The following MTUS2 variants were observed in gnomAD, a reference collection of about 807,000 sequenced individuals.
MTUS2 encodes microtubule associated scaffold protein 2.
MTUS2 carries 40 observed loss-of-function variants against 114.1 expected under a neutral mutation model. The observed-to-expected ratio is 0.35, with a 90% CI of 0.27 to 0.46. MTUS2 has a LOEUF of 0.46. Ranked by LOEUF, MTUS2 falls within the 20% of genes least tolerant of loss-of-function variation. The pLI, the probability that MTUS2 is intolerant of heterozygous loss-of-function variation, is 1.00. For missense variants in MTUS2, 1,679 were observed against 1,705.4 expected, an observed-to-expected ratio of 0.98 and a Z score of 0.27; for synonymous variants, 688 against 672.0, an observed-to-expected ratio of 1.02 and a Z score of -0.37.
At chr13:28,877,655 T>A (rs1878028148) in intron 2 of MTUS2, among the ~76,000 whole-genome samples, 1 of 152,248 alleles carries the variant, frequency 6.6e-6, no homozygotes, top group Non-Finnish European at 1.5e-5. Flanking sequence ...ATCCTGTGAC[T>A]AACGTAGTGA....
intron 2 of MTUS2, among the ~76,000 whole-genome samples, chr13:28,884,316 A>G (rs1278811296): frequency 2.0e-5 from 3 of 152,158 alleles, no homozygotes; most frequent in Non-Finnish European, 4.4e-5. Context: ...ATGCACAAAT[A>G]TTGTATGATT....
At chr13:29,476,884 C>T (rs1292129325) in intron 9 of MTUS2, 9 of 152,120 alleles carry the variant, frequency 5.9e-5, no homozygotes, top group Admixed American at 5.2e-4. Context: ...GGGCACTGAC[C>T]GTCTTTTCAT....
At chr13:29,392,780 T>TA in intron 8 of MTUS2, among the ~76,000 whole-genome samples, 1 of 152,186 alleles carries the variant, frequency 6.6e-6, no homozygotes, top group Admixed American at 6.5e-5. Context: ...CCTGGGATAA[T>TA]AAAAAAGTTC....
At chr13:28,883,281 C>T (rs963288432) in intron 2 of MTUS2, among the ~76,000 whole-genome samples, 2 of 152,194 alleles carry the variant, frequency 1.3e-5, no homozygotes, top group African/African-American at 2.4e-5. Flanking sequence ...CTACACAACT[C>T]GGCAATTGCA....
intron 2 of MTUS2, among the ~76,000 whole-genome samples, chr13:28,865,440 G>GA (rs1331545191): frequency 1.3e-5 from 2 of 152,150 alleles, no homozygotes; most frequent in Non-Finnish European, 2.9e-5. Context: ...AAAACACCCA[G>GA]AAAATACGAA....
intron 2 of MTUS2, among the ~76,000 whole-genome samples, chr13:28,927,735 A>T (rs1043982798): frequency 1.3e-5 from 2 of 152,246 alleles, no homozygotes; most frequent in African/African-American, 4.8e-5. Context: ...TCAAAATACC[A>T]GTGACATTCT....
chr13:29,121,340 G>A (rs761723368), intron 5 of MTUS2, among the ~76,000 whole-genome samples: 1 of 152,060 alleles, frequency 6.6e-6, no homozygotes, highest in South Asian at 2.1e-4. Context: ...AACAAACATG[G>A]ATGATGAAGA....
chr13:29,275,465 ATTTATTC>A (rs1370657523), intron 5 of MTUS2, among the ~76,000 whole-genome samples: 1 of 152,062 alleles, frequency 6.6e-6, no homozygotes, highest in Non-Finnish European at 1.5e-5. Context: ...ACTAGGTCTT[ATTTATTC>A]TATTTTTTGT....
At chr13:28,914,098 G>A (rs1428916551) in intron 2 of MTUS2, among the ~76,000 whole-genome samples, 3 of 151,878 alleles carry the variant, frequency 2.0e-5, no homozygotes, top group Non-Finnish European at 4.4e-5. Flanking sequence ...TTGTGTGTGT[G>A]TCTGTATCTC....
intron 1 of MTUS2, among the ~76,000 whole-genome samples, chr13:28,837,662 C>G (rs1257082572): frequency 6.6e-6 from 1 of 152,216 alleles, no homozygotes; most frequent in African/African-American, 2.4e-5. Flanking sequence ...CTCCTTTCCA[C>G]AATGTGAAGT....
intron 2 of MTUS2, among the ~76,000 whole-genome samples, chr13:28,841,287 G>T (rs933055288): frequency 1.3e-5 from 2 of 152,204 alleles, no homozygotes; most frequent in Admixed American, 1.3e-4. Flanking sequence ...TAGGGGCTAC[G>T]GGTGGAGTAT....
chr13:29,485,093 C>G (rs1374420975), intron 10 of MTUS2: 1 of 152,764 alleles, frequency 6.5e-6, no homozygotes, highest in Non-Finnish European at 1.5e-5. Flanking sequence ...CACCAGGGTT[C>G]TAAATGGAAG....
intron 4 of MTUS2, among the ~76,000 whole-genome samples, chr13:29,069,705 C>T (rs1389973670): frequency 6.6e-6 from 1 of 152,172 alleles, no homozygotes; most frequent in Non-Finnish European, 1.5e-5. Context: ...AGCTCTAGCT[C>T]AACTCTACTG....
intron 2 of MTUS2, among the ~76,000 whole-genome samples, chr13:28,891,844 CAG>C (rs2137915444): frequency 8.8e-6 from 1 of 113,066 alleles, no homozygotes; most frequent in East Asian, 2.9e-4. Context: ...CGCCACTGCA[CAG>C]AGACTCTGTC....
intron 5 of MTUS2, among the ~76,000 whole-genome samples, chr13:29,161,054 G>A (rs1020365208): frequency 6.6e-6 from 1 of 152,244 alleles, no homozygotes; most frequent in African/African-American, 2.4e-5. Context: ...TAAAAGGGAA[G>A]TGTGAGAGAC....
chr13:28,875,034 A>G (rs1376389286), intron 2 of MTUS2, among the ~76,000 whole-genome samples: 1 of 152,200 alleles, frequency 6.6e-6, no homozygotes, highest in Non-Finnish European at 1.5e-5. Context: ...TGGTTTGTGA[A>G]GGCTGGTCCA....
At chr13:29,449,938 G>A (rs527992183) in intron 9 of MTUS2, among the ~76,000 whole-genome samples, 2 of 152,170 alleles carry the variant, frequency 1.3e-5, no homozygotes, top group East Asian at 1.9e-4. Flanking sequence ...GAAGGTGAGC[G>A]CTGAGGAGCA....
intron 9 of MTUS2, among the ~76,000 whole-genome samples, chr13:29,478,140 T>A (rs1452154585): frequency 6.6e-6 from 1 of 152,196 alleles, no homozygotes; most frequent in African/African-American, 2.4e-5. Flanking sequence ...TGAGGAACTG[T>A]CCCAGCCTGA....
At chr13:28,869,303 G>A (rs926873271) in intron 2 of MTUS2, among the ~76,000 whole-genome samples, 1 of 152,146 alleles carries the variant, frequency 6.6e-6, no homozygotes, top group African/African-American at 2.4e-5. Context: ...TTGTTCAAAT[G>A]ACTTCACATT....
Sources: gnomAD v4.1 joint callset for allele counts (sites outside exome capture counted in the v4.1 genomes callset) on GRCh38, gnomAD v4.1.1 for gene constraint, MANE v1.5 for transcripts, NCBI Gene and HGNC (gene_info 2026-07-23, HGNC 2026-07-21) for gene names.